Variants in CSMD1 observed in about 807,000 individuals in gnomAD.
CSMD1 encodes CUB and sushi domain-containing protein 1.
A neutral mutation model predicts 417.5 loss-of-function variants in CSMD1; 213 were observed. The ratio of observed to expected loss-of-function variants is 0.51; its 90% CI spans 0.46 to 0.57. The LOEUF is 0.57. Among genes scored for constraint, CSMD1 ranks in the 20% least tolerant of loss-of-function variants. The probability of loss-of-function intolerance (pLI) is 0.00; values close to 1 mark genes in which losing one functional copy is unlikely to be tolerated. For synonymous variants in CSMD1, 2,862 were observed against 1,736.8 expected, an observed-to-expected ratio of 1.65 and a Z score of -16.11; for missense variants, 6,923 against 4,529.7, an observed-to-expected ratio of 1.53 and a Z score of -15.17.
intron 1 of CSMD1, among the ~76,000 whole-genome samples, chr8:4,961,719 T>A (rs1563877844): frequency 6.6e-6 from 1 of 152,166 alleles, no homozygotes; most frequent in Non-Finnish European, 1.5e-5. Context: ...TAATTTTATT[T>A]GGCTGATATT....
At chr8:4,373,234 A>G (rs1480495184) in intron 3 of CSMD1, among the ~76,000 whole-genome samples, 1 of 152,186 alleles carries the variant, frequency 6.6e-6, no homozygotes, top group African/African-American at 2.4e-5. Context: ...AAACTACCCC[A>G]GCCAAGAGGA....
At chr8:3,699,883 C>T (rs530854172) in intron 7 of CSMD1, among the ~76,000 whole-genome samples, 2 of 131,048 alleles carry the variant, frequency 1.5e-5, no homozygotes, top group South Asian at 2.4e-4. Flanking sequence ...TATCCCATAG[C>T]TACATCCCTG....
chr8:3,973,830 T>C (rs139944930), intron 5 of CSMD1, among the ~76,000 whole-genome samples: 181 of 152,292 alleles, frequency 1.2e-3, no homozygotes, highest in African/African-American at 4.2e-3. Context: ...GTGTTTAATA[T>C]GTAGTTGCTG....
chr8:4,077,260 G>A lies in CSMD1; in HGVS notation c.416-45161C>T, dbSNP rs145376189. Among the ~76,000 whole-genome samples, 739 of 118,260 alleles carry A rather than the reference G, an allele frequency of 6.2e-3. 6 individuals are homozygous for A. Among genetic ancestry groups the A allele is most frequent in the African/African-American group, 0.025 (702 of 28,168 alleles). 77.6% of individuals were successfully genotyped at this position (118,260 alleles called of 152,430 possible). ...CATTTCTCTACTGACACCTCCCACT[G>A]TAAAAGCCCATTTGTCACCTATATA... On this transcript the variant is annotated intron_variant, in intron 3 of 69. Transcript: ENST00000635120.
chr8:4,266,379 T>G (rs1161519963), intron 3 of CSMD1, among the ~76,000 whole-genome samples: 5 of 105,486 alleles, frequency 4.7e-5, no homozygotes, highest in African/African-American at 1.3e-4. Context: ...AGAATATATT[T>G]GAAAATATTA....
intron 3 of CSMD1, among the ~76,000 whole-genome samples, chr8:4,257,418 G>C (rs1378054852): frequency 6.7e-6 from 1 of 148,722 alleles, no homozygotes; most frequent in African/African-American, 2.6e-5. Context: ...TCATGGATTT[G>C]CACTTTTCTC....
At position 4,035,865 on chromosome 8, in the gene CSMD1, T is replaced by C. The variant is rs113333473; in HGVS notation, c.416-3766A>G. 2.6e-5 allele frequency among the ~76,000 whole-genome samples: 4 copies of C among 152,170 alleles called. No individual in the cohort carries two copies. In the East Asian group the frequency reaches 5.8e-4, roughly 22 times the overall value. On this transcript the variant is annotated intron_variant, in intron 3 of 69. Transcript: ENST00000635120. The stretch of plus-strand genomic sequence containing the variant: ...TGTTTATGAAGTCTACAGTCGTACA[T>C]AGTCCCGTCCGAAGCCTTCACAGTC...
intron 25 of CSMD1, among the ~76,000 whole-genome samples, chr8:3,302,174 G>C (rs74631790): frequency 2.6e-5 from 4 of 152,138 alleles, no homozygotes; most frequent in Admixed American, 2.0e-4. Context: ...GAAATGTGAG[G>C]AGTTGGGAAC....
intron 3 of CSMD1, among the ~76,000 whole-genome samples, chr8:4,222,695 T>G (rs969403346): frequency 6.6e-6 from 1 of 152,176 alleles, no homozygotes; most frequent in Non-Finnish European, 1.5e-5. Flanking sequence ...CAGTTATGCC[T>G]CTATCTGGTT....
chr8:4,745,834 G>T (rs528646554), intron 1 of CSMD1, among the ~76,000 whole-genome samples: 5 of 152,100 alleles, frequency 3.3e-5, no homozygotes, highest in Non-Finnish European at 7.4e-5. Context: ...TGAAGAAGAT[G>T]CAAAGAAAAT....
intron 5 of CSMD1, among the ~76,000 whole-genome samples, chr8:3,845,375 G>A (rs1440789788): frequency 6.6e-6 from 1 of 152,180 alleles, no homozygotes; most frequent in Non-Finnish European, 1.5e-5. Flanking sequence ...TGTACTGCAT[G>A]GGACTGCCCT....
chr8:3,857,221 T>C lies in CSMD1; in HGVS notation c.819-103179A>G, dbSNP rs904729979. ...AGTTGTACAGGAGGGAGTAATTAAT[T>C]GATACAACCTAGGTGGTAGAGTTAC... On this transcript the variant is annotated intron_variant, in intron 5 of 69. Coordinates refer to ENST00000635120, the MANE Select transcript of CSMD1 (RefSeq NM_033225.6). Among the ~76,000 whole-genome samples the C allele has an allele frequency of 3.3e-5, 5 of 152,230 alleles. No homozygotes were observed. In the East Asian group the frequency reaches 5.8e-4, roughly 18 times the overall value.
chr8:4,481,701 G>C (rs1801108867), intron 2 of CSMD1, among the ~76,000 whole-genome samples: 1 of 152,146 alleles, frequency 6.6e-6, no homozygotes, highest in Non-Finnish European at 1.5e-5. Context: ...AGTCTATTTG[G>C]TTTGTTCCAT....
At chr8:4,417,939 A>T (rs1311917622) in intron 3 of CSMD1, among the ~76,000 whole-genome samples, 1 of 152,052 alleles carries the variant, frequency 6.6e-6, no homozygotes, top group Non-Finnish European at 1.5e-5. Flanking sequence ...ATATTGCTAT[A>T]AAAGCTCTCT....
intron 2 of CSMD1, among the ~76,000 whole-genome samples, chr8:4,610,268 G>A (rs543290528): frequency 1.3e-5 from 2 of 152,282 alleles, no homozygotes; most frequent in South Asian, 2.1e-4. Flanking sequence ...GGAAGTTCGT[G>A]AAACTGACTA....
In CSMD1 at chr8:4,100,506, T is replaced by A. The variant is rs1044702334; in HGVS notation, c.416-68407A>T. The stretch of plus-strand genomic sequence containing the variant: ...AGCCTTAGTCTCATCAACTATAAAA[T>A]GGATTAAAAATGGGTATCTTATAGA... On this transcript the variant is annotated intron_variant, in intron 3 of 69. Coordinates refer to ENST00000635120, the MANE Select transcript of CSMD1 (RefSeq NM_033225.6). 2.0e-5 allele frequency among the ~76,000 whole-genome samples: 3 copies of A among 152,158 alleles called. No homozygotes were observed. In the East Asian group the frequency reaches 5.8e-4, roughly 29 times the overall value.
chr8:4,782,924 TA>T (rs1797222360), intron 1 of CSMD1, among the ~76,000 whole-genome samples: 1 of 149,584 alleles, frequency 6.7e-6, no homozygotes, highest in Admixed American at 6.6e-5. Context: ...TTTGGATTCT[TA>T]TAAAACAATG....
intron 6 of CSMD1, among the ~76,000 whole-genome samples, chr8:3,732,179 C>G (rs550301248): frequency 6.6e-6 from 1 of 152,180 alleles, no homozygotes; most frequent in Admixed American, 6.5e-5. Flanking sequence ...TGGTGGTTGC[C>G]TTGGGAACAG....
At chr8:3,489,077 C>G (rs1019973041) in intron 11 of CSMD1, among the ~76,000 whole-genome samples, 10 of 152,152 alleles carry the variant, frequency 6.6e-5, no homozygotes, top group African/African-American at 1.2e-4. Context: ...ATACACACGT[C>G]TGTGCATAGT....
Sources: allele counts gnomAD v4.1 joint callset (sites outside exome capture counted in the v4.1 genomes callset), GRCh38; gene constraint gnomAD v4.1.1; transcripts MANE v1.5; gene names NCBI Gene and HGNC (gene_info 2026-07-23, HGNC 2026-07-21).